Variants in CNTN5 observed in about 807,000 individuals in gnomAD.
CNTN5 encodes contactin-5.
In CNTN5, 77 loss-of-function variants were observed where a neutral mutation model predicts 129.1. The observed-to-expected ratio is 0.60, with a 90% confidence interval of 0.50 to 0.72. The LOEUF (loss-of-function observed/expected upper bound fraction) is 0.72. Among genes scored for constraint, CNTN5 ranks in the 30% least tolerant of loss-of-function variants. The pLI is 0.00. For missense variants in CNTN5, 1,478 were observed against 1,328.8 expected, an observed-to-expected ratio of 1.11 and a Z score of -1.75; for synonymous variants, 509 against 465.6, an observed-to-expected ratio of 1.09 and a Z score of -1.20.
At position 99,556,269 on chromosome 11, in the gene CNTN5, G is replaced by C; in HGVS notation, c.55G>C (p.Glu19Gln). ...TCTGTCAGTCACCATGTGTCTTTCA[G>C]GTAAAAGTCCTGATTAATTAATTAT... ...LFLSVTMCLS[E>Q]YSKSLPGLST... is the part of the protein sequence containing the mutation. The change falls in exon 3 of 25, where the codon GAG becomes CAG. Residue 19 changes from glutamate (E) to glutamine (Q), a missense_variant and splice_region_variant. By Grantham distance (29) the Glu-to-Gln change is conservative (BLOSUM62 2). Coordinates refer to ENST00000524871, the MANE Select transcript of CNTN5 (RefSeq NM_014361.4). 1 of 1,514,586 alleles carries C rather than the reference G, an allele frequency of 6.6e-7. No homozygotes were observed. The highest frequency in any genetic ancestry group is 8.9e-7 in the Non-Finnish European group (1 of 1,122,452). 93.8% of individuals were successfully genotyped at this position (1,514,586 alleles called of 1,614,324 possible).
chr11:100,235,130 G>C (rs1316925757), intron 16 of CNTN5, among the ~76,000 whole-genome samples: 2 of 152,118 alleles, frequency 1.3e-5, no homozygotes, highest in Non-Finnish European at 2.9e-5. Context: ...GCAAAATATT[G>C]GAAGTACATT....
At chr11:99,052,154 G>T (rs1201853921) in intron 1 of CNTN5, among the ~76,000 whole-genome samples, 1 of 151,740 alleles carries the variant, frequency 6.6e-6, no homozygotes, top group Non-Finnish European at 1.5e-5. Context: ...TAAGGATATT[G>T]TATGCATGTT....
chr11:99,172,194 T>C (rs1861178686), intron 1 of CNTN5, among the ~76,000 whole-genome samples: 1 of 121,020 alleles, frequency 8.3e-6, no homozygotes, highest in Non-Finnish European at 1.7e-5. Flanking sequence ...TTAAAATCAC[T>C]AAGACCCAGT....
At chr11:99,117,307 A>G (rs1362004259) in intron 1 of CNTN5, among the ~76,000 whole-genome samples, 1 of 152,138 alleles carries the variant, frequency 6.6e-6, no homozygotes, top group Non-Finnish European at 1.5e-5. Flanking sequence ...TAATCAGCAC[A>G]CAGATTAAGA....
intron 1 of CNTN5, among the ~76,000 whole-genome samples, chr11:99,214,821 T>C (rs182529934): frequency 3.9e-5 from 6 of 152,236 alleles, no homozygotes; most frequent in East Asian, 1.9e-4. Context: ...ACTTTCATCA[T>C]CATCCAACTC....
intron 3 of CNTN5, among the ~76,000 whole-genome samples, chr11:99,794,293 C>G (rs1430570940): frequency 6.6e-6 from 1 of 151,564 alleles, no homozygotes; most frequent in Non-Finnish European, 1.5e-5. Flanking sequence ...TTCCTCCATC[C>G]CTTTACTGTG....
At chr11:100,008,274 T>C (rs751373585) in intron 9 of CNTN5, among the ~76,000 whole-genome samples, 6 of 152,092 alleles carry the variant, frequency 3.9e-5, no homozygotes, top group Non-Finnish European at 7.4e-5. Context: ...TTGCTTGACA[T>C]AGCATTGCCA....
chr11:99,374,094 CAGA>C (rs780732479), intron 2 of CNTN5, among the ~76,000 whole-genome samples: 3 of 152,164 alleles, frequency 2.0e-5, no homozygotes, highest in Non-Finnish European at 4.4e-5. Flanking sequence ...GAAATCAGAT[CAGA>C]AGGTCATTTG....
At chr11:99,218,460 A>T (rs149691902) in intron 1 of CNTN5, among the ~76,000 whole-genome samples, 1 of 152,142 alleles carries the variant, frequency 6.6e-6, no homozygotes, top group Non-Finnish European at 1.5e-5. Flanking sequence ...CCACTGACCT[A>T]AAGTCCTGTA....
chr11:99,292,053 C>T (rs1864191128), intron 1 of CNTN5, among the ~76,000 whole-genome samples: 2 of 151,912 alleles, frequency 1.3e-5, no homozygotes, highest in Admixed American at 1.3e-4. Flanking sequence ...CAGGAAAGTG[C>T]TCCCAGAAAT....
intron 3 of CNTN5, among the ~76,000 whole-genome samples, chr11:99,718,425 G>C (rs943877764): frequency 1.3e-5 from 2 of 152,090 alleles, no homozygotes; most frequent in Non-Finnish European, 2.9e-5. Context: ...CTGGAAGAGG[G>C]TCTAGGAAAA....
In CNTN5 at chr11:99,577,809, C is replaced by T. The variant is rs139345026; in HGVS notation, c.55+21540C>T. Among the ~76,000 whole-genome samples, 779 of 119,210 alleles carry T rather than the reference C, an allele frequency of 6.5e-3. 24 individuals carry two copies. The East Asian group carries it at 0.13, about 20-fold the overall frequency. 78.2% of individuals were successfully genotyped at this position (119,210 alleles called of 152,430 possible). A position where few individuals can be genotyped will look rare whatever the true frequency, so the allele number is the denominator to read the frequency against. ...AGATCTTTATAGTGAGGAATTAATT[C>T]TCAAAGATTTTCTTTTATTATTATT... On this transcript the variant is annotated intron_variant, in intron 3 of 24. Transcript: ENST00000524871.
chr11:99,858,856 A>C lies in CNTN5; in HGVS notation c.577+13594A>C, dbSNP rs564545717. Among the ~76,000 whole-genome samples the C allele has an allele frequency of 2.0e-5, 3 of 152,158 alleles. No individual in the cohort carries two copies. The South Asian group carries it at 6.2e-4, about 32-fold the overall frequency. On this transcript the variant is annotated intron_variant, in intron 6 of 24. Coordinates refer to ENST00000524871, the MANE Select transcript of CNTN5 (RefSeq NM_014361.4). ...TTTAAACATTAATGACAATGCTAAT[A>C]ATAATTGATAAGATTTATTGAGTGA...
chr11:99,564,326 G>C (rs974251786), intron 3 of CNTN5, among the ~76,000 whole-genome samples: 1 of 151,956 alleles, frequency 6.6e-6, no homozygotes, highest in African/African-American at 2.4e-5. Context: ...GGCCTCAAGC[G>C]ATCCTCCTGC....
At chr11:99,098,020 C>A (rs190533601) in intron 1 of CNTN5, among the ~76,000 whole-genome samples, 1 of 152,034 alleles carries the variant, frequency 6.6e-6, no homozygotes, top group Admixed American at 6.6e-5. Context: ...AATAAATTTG[C>A]TGTATCTAGG....
chr11:99,393,904 G>A (rs1169844229), intron 2 of CNTN5, among the ~76,000 whole-genome samples: 1 of 151,638 alleles, frequency 6.6e-6, no homozygotes, highest in African/African-American at 2.4e-5. Context: ...TAGGTAAATA[G>A]CCTATAGGTA....
At chr11:100,064,498 G>A (rs922553411) in intron 10 of CNTN5, among the ~76,000 whole-genome samples, 1 of 151,708 alleles carries the variant, frequency 6.6e-6, no homozygotes, top group African/African-American at 2.4e-5. Context: ...AACATAAATA[G>A]GTCTTAAAAG....
intron 3 of CNTN5, among the ~76,000 whole-genome samples, chr11:99,772,809 C>G (rs59508251): frequency 6.6e-6 from 1 of 151,974 alleles, no homozygotes; most frequent in African/African-American, 2.4e-5. Context: ...GGCAGTACTT[C>G]CAGTCTTTAT....
intron 7 of CNTN5, among the ~76,000 whole-genome samples, chr11:99,930,437 A>C (rs1420569106): frequency 1.3e-5 from 2 of 152,012 alleles, no homozygotes; most frequent in Admixed American, 6.6e-5. Flanking sequence ...GGTGTTTCCT[A>C]TGTGTTAGGA....
Sources: gnomAD v4.1 joint callset for allele counts (sites outside exome capture counted in the v4.1 genomes callset) on GRCh38, gnomAD v4.1.1 for gene constraint, MANE v1.5 for transcripts, NCBI Gene and HGNC (gene_info 2026-07-23, HGNC 2026-07-21) for gene names.